The following MEGF6 variants were observed in gnomAD, a reference collection of about 807,000 sequenced individuals.
MEGF6 encodes the protein multiple EGF like domains 6, also known as multiple epidermal growth factor-like domains protein 6.
MEGF6 carries 184 observed loss-of-function variants against 207.1 expected under a neutral mutation model. That is an observed-to-expected ratio of 0.89 (90% CI 0.79 to 1.00). The LOEUF (loss-of-function observed/expected upper bound fraction) is 1.00, where lower values mean the gene tolerates loss of function less well. Among genes scored for constraint, MEGF6 ranks in the 50% least tolerant of loss-of-function variants. The pLI, the probability that MEGF6 is intolerant of heterozygous loss-of-function variation, is 0.00. For synonymous variants in MEGF6, 1,038 were observed against 910.0 expected (o/e 1.14, Z -2.53); for missense variants, 2,282 against 2,202.9 (o/e 1.04, Z -0.72).
intron 30 of MEGF6, among the ~76,000 whole-genome samples, chr1:3,494,968 G>A (rs1447462741): frequency 6.6e-6 from 1 of 152,226 alleles, no homozygotes; most frequent in Non-Finnish European, 1.5e-5. Flanking sequence ...AGGAACTGAG[G>A]GTGGCTCAGT....
At chr1:3,497,461 A>G in intron 26 of MEGF6, 100 bp from the exon 27 acceptor site, 1 of 1,345,204 alleles carries the variant, frequency 7.4e-7, no homozygotes, top group South Asian at 1.5e-5. Context: ...CGACCCACCC[A>G]ATGCTGGCTG....
At chr1:3,505,637 C>G in intron 15 of MEGF6, 81 bp from the exon 16 acceptor site, 1 of 1,448,896 alleles carries the variant, frequency 6.9e-7, no homozygotes, top group Non-Finnish European at 9.1e-7. Flanking sequence ...CTGGGTCAGC[C>G]AGGACGACAG....
At chr1:3,500,055 G>A (rs1640790331) in intron 21 of MEGF6, 131 bp from the exon 22 acceptor site, 10 of 1,329,454 alleles carry the variant, frequency 7.5e-6, no homozygotes, top group Non-Finnish European at 1.0e-5. Flanking sequence ...CCTGCCCAAG[G>A]GAGACTGGGC....
At chr1:3,566,334 GC>G (rs1374323884) in intron 4 of MEGF6, among the ~76,000 whole-genome samples, 1 of 152,210 alleles carries the variant, frequency 6.6e-6, no homozygotes, top group Non-Finnish European at 1.5e-5. Flanking sequence ...CATGGGTATC[GC>G]CCCAGGAATC....
chr1:3,498,001 A>T (rs1310946560), intron 26 of MEGF6, among the ~76,000 whole-genome samples: 1 of 151,926 alleles, frequency 6.6e-6, no homozygotes, highest in African/African-American at 2.4e-5. Flanking sequence ...CCACAGCCAG[A>T]CTCCCACTGG....
chr1:3,509,617 C>T (rs962670968), intron 11 of MEGF6, among the ~76,000 whole-genome samples: 3 of 152,160 alleles, frequency 2.0e-5, no homozygotes, highest in African/African-American at 4.8e-5. Context: ...TGCTGGGCTC[C>T]GGGAGGATGC....
At chr1:3,580,567 AG>A (rs5772110) in intron 3 of MEGF6, among the ~76,000 whole-genome samples, 102,146 of 151,954 alleles carry the variant, frequency 0.67, 36,637 homozygotes, top group Non-Finnish European at 0.79. Context: ...CTGGAGAGAG[AG>A]GGGCGCCTTG....
upstream of MEGF6, among the ~76,000 whole-genome samples, chr1:3,612,845 G>C (rs1644346714): frequency 1.3e-5 from 2 of 152,192 alleles, no homozygotes; most frequent in Non-Finnish European, 1.5e-5. Flanking sequence ...ACCACCTGGA[G>C]GCTACAGTCC....
At chr1:3,619,534 G>A in the MEGF6 span, among the ~76,000 whole-genome samples, 1 of 152,218 alleles carries the variant, frequency 6.6e-6, no homozygotes, top group African/African-American at 2.4e-5. Flanking sequence ...CATCATGGGG[G>A]CAGATTTCTC....
chr1:3,550,119 C>T (rs932831999), intron 4 of MEGF6, among the ~76,000 whole-genome samples: 3 of 152,190 alleles, frequency 2.0e-5, no homozygotes, highest in African/African-American at 4.8e-5. Flanking sequence ...CAGAAAGTAA[C>T]GGCTCCCGAC....
the MEGF6 span, among the ~76,000 whole-genome samples, chr1:3,620,637 A>G: frequency 6.6e-6 from 1 of 152,236 alleles, no homozygotes; most frequent in East Asian, 1.9e-4. Context: ...CGGAGTCCCC[A>G]CTGGGGCACT....
At position 3,497,063 on chromosome 1, in the gene MEGF6, C is replaced by T; in HGVS notation, c.3538G>A (p.Glu1180Lys). 6.4e-7 allele frequency: 1 copy of T among 1,561,546 alleles called. No homozygotes were observed. Among genetic ancestry groups the T allele is most frequent in the Non-Finnish European group, 8.7e-7 (1 of 1,153,884 alleles). ...DCAQMCQCPGENPACHPATGT... is the reference protein window; with the variant it reads ...DCAQMCQCPGKNPACHPATGT... The stretch of plus-strand genomic sequence containing the variant: ...GTGGCAGGGTGGCAGGCCGGGTTCT[C>T]ACCGGGACACTGGCACATCTGCGCA... The change falls in exon 28 of 37, where the codon GAG becomes AAG. Residue 1180 changes from glutamate (E) to lysine (K), a missense_variant. Glu to Lys is a moderately conservative substitution (Grantham distance 56). Transcript: ENST00000356575.
chr1:3,519,159 C>A (rs1257639793), intron 5 of MEGF6, among the ~76,000 whole-genome samples: 4 of 152,338 alleles, frequency 2.6e-5, no homozygotes. Flanking sequence ...CCCAGCAAGG[C>A]CCCCACCCCT....
Position 3,501,036 on chromosome 1 carries a change from A to T in MEGF6, c.2505T>A (p.Asp835Glu). Reference sequence around the variant, plus strand: ...GTCCGGTGGCTGGGTGGCAGTGCCCATCATTGGCACAAGAGCACCTTGTCT... The same window carrying T: ...GTCCGGTGGCTGGGTGGCAGTGCCCTTCATTGGCACAAGAGCACCTTGTCT... ...SCQTRCSCAN[D>E]GHCHPATGHC... Residue 835 changes from aspartate to glutamate, a missense_variant, in exon 20 of 37, where the codon GAT (aspartate) becomes GAA (glutamate). By Grantham distance (45) the Asp-to-Glu change is conservative. Transcript: ENST00000356575. The T allele has an allele frequency of 6.2e-7, 1 of 1,612,740 alleles. No homozygotes were observed. The highest frequency in any genetic ancestry group is 8.5e-7 in the Non-Finnish European group (1 of 1,179,958).
At chr1:3,511,754 C>G in intron 8 of MEGF6, 67 bp from the exon 9 acceptor site, 1 of 1,560,014 alleles carries the variant, frequency 6.4e-7, no homozygotes, top group East Asian at 2.3e-5. Flanking sequence ...ACCTTAGTTA[C>G]CCCTACCTCC....
chr1:3,500,840 G>T, intron 20 of MEGF6, 76 bp from the exon 21 acceptor site: 1 of 1,593,238 alleles, frequency 6.3e-7, no homozygotes, highest in Non-Finnish European at 8.6e-7. Context: ...CAGGCACAGG[G>T]GCGTCTCAGG....
Position 3,508,775 on chromosome 1 carries a change from G to T in MEGF6, c.1529-86C>A. ...GGCCCGGCTCAGACCCTCAGGCCAGGGAAGGGGCATAAGGGGCATCCTCGG... is the reference window on the plus strand; with the variant it reads ...GGCCCGGCTCAGACCCTCAGGCCAGTGAAGGGGCATAAGGGGCATCCTCGG... On this transcript the variant is annotated intron_variant, in intron 12 of 36. Transcript: ENST00000356575. 2.6e-6 allele frequency: 4 copies of T among 1,530,654 alleles called. No homozygotes were observed. In the South Asian group the frequency reaches 4.9e-5, roughly 19 times the overall value. The allele number at this position is 1,530,654 out of a possible 1,614,324, so 94.8% of individuals were successfully genotyped here. A position where few individuals can be genotyped will look rare whatever the true frequency, so the allele number is the denominator to read the frequency against.
chr1:3,517,659 C>G (rs1641597416), intron 5 of MEGF6, among the ~76,000 whole-genome samples: 1 of 152,244 alleles, frequency 6.6e-6, no homozygotes, highest in African/African-American at 2.4e-5. Flanking sequence ...GCAAAACACA[C>G]AGCCCAGCCA....
chr1:3,497,860 A>AG (rs963879975), intron 26 of MEGF6, among the ~76,000 whole-genome samples: 2 of 152,274 alleles, frequency 1.3e-5, no homozygotes, highest in Admixed American at 1.3e-4. Context: ...CTCTGCTGGA[A>AG]GGGGGGCTCG....
Sources: gnomAD v4.1 joint callset for allele counts (sites outside exome capture counted in the v4.1 genomes callset) on GRCh38, gnomAD v4.1.1 for gene constraint, MANE v1.5 for transcripts, NCBI Gene and HGNC (gene_info 2026-07-23, HGNC 2026-07-21) for gene names.